PID1: variants seen among roughly 807,000 people sequenced by gnomAD.
The protein encoded by PID1 is phosphotyrosine interaction domain containing 1.
Under a neutral mutation model 19.1 loss-of-function variants are expected in PID1, and 10 were observed. That is an observed-to-expected ratio of 0.52 (90% CI 0.32 to 0.89). The LOEUF is 0.89. Ranked by LOEUF, PID1 falls within the 40% of genes least tolerant of loss-of-function variation. The pLI is 0.03. For missense variants in PID1, 248 were observed against 285.3 expected, an observed-to-expected ratio of 0.87 and a Z score of 0.94; for synonymous variants, 130 against 116.0, an observed-to-expected ratio of 1.12 and a Z score of -0.78.
At chr2:229,034,044 T>C (rs1203266576) in intron 2 of PID1, among the ~76,000 whole-genome samples, 1 of 152,178 alleles carries the variant, frequency 6.6e-6, no homozygotes, top group Non-Finnish European at 1.5e-5. Flanking sequence ...GCATGCCAAT[T>C]TCCCAACAAT....
At chr2:229,140,520 G>A (rs534802832) in intron 2 of PID1, among the ~76,000 whole-genome samples, 25 of 152,068 alleles carry the variant, frequency 1.6e-4, no homozygotes, top group African/African-American at 5.5e-4. Context: ...TGGTAGAGCT[G>A]ATGTATTTCC....
chr2:229,163,638 G>GGA (rs138493662), intron 1 of PID1, among the ~76,000 whole-genome samples: 2,042 of 142,430 alleles, frequency 0.014, 21 homozygotes, highest in African/African-American at 0.029. Context: ...AGAGACAGAG[G>GGA]GAGAGAGAGA....
Position 229,271,005 on chromosome 2 carries a change from G to A in PID1, c.30+9C>T. ...CCAGGCTGGCCCCCGGCTCCCGGGT[G>A]CCCCTTACCTGCAGGCGCTCCGTGG... On this transcript the variant is annotated intron_variant, in intron 1 of 2. Coordinates refer to ENST00000392055, the MANE Select transcript of PID1 (RefSeq NM_001100818.2). 1.9e-6 allele frequency: 3 copies of A among 1,540,402 alleles called. No homozygotes were observed. Among genetic ancestry groups the A allele is most frequent in the South Asian group, 1.2e-5 (1 of 83,234 alleles).
chr2:229,252,603 G>A (rs1690183436), intron 1 of PID1, among the ~76,000 whole-genome samples: 1 of 152,108 alleles, frequency 6.6e-6, no homozygotes, highest in Non-Finnish European at 1.5e-5. Flanking sequence ...AGAGTAGAGA[G>A]GAGACATAAA....
At chr2:229,099,105 T>C (rs7596653) in intron 2 of PID1, among the ~76,000 whole-genome samples, 152,279 of 152,300 alleles carry the variant, frequency 1, 76,129 homozygotes, top group Middle Eastern at 1. Flanking sequence ...ACAATTTTTG[T>C]GTCTTTCAAC....
At chr2:229,263,583 C>A (rs1351304527) in intron 1 of PID1, among the ~76,000 whole-genome samples, 1 of 152,126 alleles carries the variant, frequency 6.6e-6, no homozygotes, top group African/African-American at 2.4e-5. Flanking sequence ...GCTGCCTGAA[C>A]AAGCTGGGGC....
At chr2:229,055,195 T>C (rs997659549) in intron 2 of PID1, among the ~76,000 whole-genome samples, 1 of 152,204 alleles carries the variant, frequency 6.6e-6, no homozygotes, top group African/African-American at 2.4e-5. Context: ...GGGTGCCTGA[T>C]GCAAGAAGAG....
chr2:229,217,048 C>T (rs925101495), intron 1 of PID1, among the ~76,000 whole-genome samples: 1 of 152,092 alleles, frequency 6.6e-6, no homozygotes, highest in Non-Finnish European at 1.5e-5. Flanking sequence ...CAACCATGGC[C>T]CAGAGGTCCA....
At chr2:229,154,681 T>C (rs1690328981) in intron 2 of PID1, among the ~76,000 whole-genome samples, 2 of 151,958 alleles carry the variant, frequency 1.3e-5, no homozygotes. Context: ...CACTAAGCAA[T>C]AAGGAAAAGG....
intron 2 of PID1, among the ~76,000 whole-genome samples, chr2:229,128,569 A>G (rs1689636784): frequency 1.3e-5 from 2 of 152,242 alleles, no homozygotes; most frequent in South Asian, 4.1e-4. Context: ...TGAAAAAACT[A>G]AGCTATTTAA....
At chr2:229,241,339 TA>T (rs1251843968) in intron 1 of PID1, among the ~76,000 whole-genome samples, 1 of 152,190 alleles carries the variant, frequency 6.6e-6, no homozygotes, top group Non-Finnish European at 1.5e-5. Flanking sequence ...ATTTGTGTTT[TA>T]AAAAGCAGTT....
intron 2 of PID1, among the ~76,000 whole-genome samples, chr2:229,030,122 T>G (rs1326220180): frequency 6.6e-6 from 1 of 152,254 alleles, no homozygotes; most frequent in African/African-American, 2.4e-5. Flanking sequence ...GGATGAATTC[T>G]GATGACATTA....
chr2:229,068,845 C>G (rs376516252), intron 2 of PID1, among the ~76,000 whole-genome samples: 1 of 152,058 alleles, frequency 6.6e-6, no homozygotes, highest in Non-Finnish European at 1.5e-5. Flanking sequence ...ACAGAGGGTC[C>G]GCTATTTTTA....
At chr2:229,087,203 G>T (rs1286200133) in intron 2 of PID1, among the ~76,000 whole-genome samples, 2 of 152,004 alleles carry the variant, frequency 1.3e-5, no homozygotes, top group African/African-American at 4.8e-5. Flanking sequence ...TATCACAGCA[G>T]ATACTGACTA....
intron 1 of PID1, among the ~76,000 whole-genome samples, chr2:229,214,663 T>C (rs1574728302): frequency 6.6e-6 from 1 of 152,296 alleles, no homozygotes; most frequent in East Asian, 1.9e-4. Flanking sequence ...TAGAAGAACA[T>C]ATAATGAAAT....
intron 2 of PID1, among the ~76,000 whole-genome samples, chr2:229,091,264 G>T (rs1694871584): frequency 6.6e-6 from 1 of 151,260 alleles, no homozygotes; most frequent in Non-Finnish European, 1.5e-5. Flanking sequence ...TAGCAAAATG[G>T]GCATGCAATT....
chr2:229,195,910 T>C (rs899069887), intron 1 of PID1, among the ~76,000 whole-genome samples: 1 of 152,040 alleles, frequency 6.6e-6, no homozygotes, highest in Non-Finnish European at 1.5e-5. Context: ...TCAGAATATA[T>C]AGAACCCACA....
At chr2:229,078,927 T>C (rs1440338284) in intron 2 of PID1, among the ~76,000 whole-genome samples, 1 of 152,074 alleles carries the variant, frequency 6.6e-6, no homozygotes, top group African/African-American at 2.4e-5. Context: ...GTGAGGAAAA[T>C]GGAAAAGAAT....
At chr2:229,055,238 C>T (rs1335436175) in intron 2 of PID1, among the ~76,000 whole-genome samples, 4 of 152,164 alleles carry the variant, frequency 2.6e-5, no homozygotes, top group South Asian at 2.1e-4. Flanking sequence ...TAGGCTCCCT[C>T]GACATGGCCT....
Sources: gnomAD v4.1 joint callset for allele counts (sites outside exome capture counted in the v4.1 genomes callset) on GRCh38, gnomAD v4.1.1 for gene constraint, MANE v1.5 for transcripts, NCBI Gene and HGNC (gene_info 2026-07-23, HGNC 2026-07-21) for gene names.